The following CAPZB variants were observed in gnomAD, a reference collection of about 807,000 sequenced individuals.
The protein encoded by CAPZB is F-actin-capping protein subunit beta.
In CAPZB, 2 loss-of-function variants were observed where a neutral mutation model predicts 38.1. The ratio of observed to expected loss-of-function variants is 0.05; its 90% CI spans 0.02 to 0.17. The LOEUF (loss-of-function observed/expected upper bound fraction) is 0.17. Among genes scored for constraint, CAPZB ranks in the 10% least tolerant of loss-of-function variants. The pLI is 1.00. For missense variants in CAPZB, 161 were observed against 334.2 expected (o/e 0.48, Z 4.04); for synonymous variants, 107 against 127.4 (o/e 0.84, Z 1.08).
intron 8 of CAPZB, among the ~76,000 whole-genome samples, chr1:19,343,480 G>A (rs1388150191): frequency 6.6e-6 from 1 of 152,226 alleles, no homozygotes; most frequent in Non-Finnish European, 1.5e-5. Context: ...CGGTGCTGCT[G>A]GACTGCAGAG....
chr1:19,388,066 T>C (rs1257811923), intron 2 of CAPZB, among the ~76,000 whole-genome samples: 2 of 152,194 alleles, frequency 1.3e-5, no homozygotes, highest in Non-Finnish European at 2.9e-5. Context: ...AGCCAGCTGT[T>C]TCCCTTCTCC....
At chr1:19,378,264 G>C (rs933140385) in intron 4 of CAPZB, among the ~76,000 whole-genome samples, 1 of 152,330 alleles carries the variant, frequency 6.6e-6, no homozygotes, top group Non-Finnish European at 1.5e-5. Flanking sequence ...TCACGATGCA[G>C]GGGAACAGCA....
chr1:19,362,823 G>A lies in CAPZB; in HGVS notation c.330-5260C>T, dbSNP rs79697399. 1.2e-3 allele frequency among the ~76,000 whole-genome samples: 187 copies of A among 152,230 alleles called. 1 individual carries two copies. The highest frequency in any genetic ancestry group is 4.4e-3 in the African/African-American group (182 of 41,548). ...TCAAATCAGAGCTCCCCAGTGGCCAGGACAACACAGGGACTAGCTTGCAAA... is the reference window on the plus strand; with the variant it reads ...TCAAATCAGAGCTCCCCAGTGGCCAAGACAACACAGGGACTAGCTTGCAAA... On this transcript the variant is annotated intron_variant, in intron 4 of 8. Coordinates refer to ENST00000264202, the MANE Select transcript of CAPZB (RefSeq NM_004930.5).
intron 4 of CAPZB, among the ~76,000 whole-genome samples, chr1:19,360,139 T>C (rs2094045062): frequency 6.6e-6 from 1 of 152,212 alleles, no homozygotes; most frequent in South Asian, 2.1e-4. Context: ...TCCGTGAGCC[T>C]TTCTGGCTTG....
intron 2 of CAPZB, among the ~76,000 whole-genome samples, chr1:19,395,125 T>C (rs1384978270): frequency 1.3e-5 from 2 of 152,146 alleles, no homozygotes; most frequent in Non-Finnish European, 2.9e-5. Context: ...CTACTTCCAG[T>C]GGATTTTTCG....
At chr1:19,363,504 T>C (rs2094065714) in intron 4 of CAPZB, among the ~76,000 whole-genome samples, 1 of 152,148 alleles carries the variant, frequency 6.6e-6, no homozygotes. Flanking sequence ...GTCACGGATA[T>C]AGATTCTATG....
intron 6 of CAPZB, among the ~76,000 whole-genome samples, chr1:19,348,116 C>T (rs961127554): frequency 2.6e-5 from 4 of 152,118 alleles, no homozygotes; most frequent in African/African-American, 9.7e-5. Context: ...TTCCTTGTGC[C>T]CAGATAAGGG....
At chr1:19,477,429 A>C (rs2094610670) in intron 1 of CAPZB, among the ~76,000 whole-genome samples, 1 of 152,248 alleles carries the variant, frequency 6.6e-6, no homozygotes, top group Non-Finnish European at 1.5e-5. Flanking sequence ...ACTAACAGCC[A>C]AGCCTGGCCG....
At chr1:19,450,229 C>T (rs998030355) in intron 1 of CAPZB, among the ~76,000 whole-genome samples, 4 of 148,974 alleles carry the variant, frequency 2.7e-5, no homozygotes, top group Non-Finnish European at 5.9e-5. Flanking sequence ...AGTGATAATG[C>T]AGGCTGAGTA....
intron 6 of CAPZB, among the ~76,000 whole-genome samples, chr1:19,351,249 G>C (rs548668465): frequency 1.3e-5 from 2 of 151,274 alleles, no homozygotes; most frequent in East Asian, 3.9e-4. Flanking sequence ...CCAAAGTGCT[G>C]GGATTACAGG....
At chr1:19,343,937 C>A (rs2093946829) in intron 8 of CAPZB, among the ~76,000 whole-genome samples, 1 of 152,200 alleles carries the variant, frequency 6.6e-6, no homozygotes, top group African/African-American at 2.4e-5. Flanking sequence ...GACTGAGGGC[C>A]CTGCCTGCAC....
intron 2 of CAPZB, among the ~76,000 whole-genome samples, chr1:19,401,404 CA>C (rs1279743053): frequency 1.3e-5 from 2 of 152,144 alleles, no homozygotes; most frequent in Non-Finnish European, 2.9e-5. Flanking sequence ...TCAGCATCGG[CA>C]AATCTCCCCT....
At position 19,467,886 on chromosome 1, in the gene CAPZB, A is replaced by G. The variant is rs376616428; in HGVS notation, c.3+17550T>C. On this transcript the variant is annotated intron_variant, in intron 1 of 8. Transcript: ENST00000264202. ...ATGCTGGGAACTAGAGCTTGAAAAC[A>G]CTGCAGGGCCGCAGAGCTCTCAAGA... Among the ~76,000 whole-genome samples, 8 of 152,192 alleles carry G rather than the reference A, an allele frequency of 5.3e-5. No homozygotes were observed. The East Asian group carries it at 9.6e-4, about 18-fold the overall frequency.
intron 2 of CAPZB, among the ~76,000 whole-genome samples, chr1:19,403,359 G>A (rs2094313556): frequency 6.6e-6 from 1 of 152,234 alleles, no homozygotes; most frequent in Admixed American, 6.5e-5. Context: ...TGGGGGGCAG[G>A]GTGAGGGAAG....
At chr1:19,422,119 T>A (rs2094403523) in intron 1 of CAPZB, among the ~76,000 whole-genome samples, 1 of 152,088 alleles carries the variant, frequency 6.6e-6, no homozygotes, top group Non-Finnish European at 1.5e-5. Flanking sequence ...AACTAGTATT[T>A]CTCAACTAGG....
intron 6 of CAPZB, among the ~76,000 whole-genome samples, chr1:19,352,089 C>T (rs1263930030): frequency 2.6e-5 from 4 of 152,228 alleles, no homozygotes; most frequent in Non-Finnish European, 5.9e-5. Flanking sequence ...AGCGAGCGTG[C>T]ACTCCTGGAA....
chr1:19,457,921 C>T lies in CAPZB; in HGVS notation c.3+27515G>A, dbSNP rs561803699. 4.9e-4 allele frequency among the ~76,000 whole-genome samples: 74 copies of T among 152,264 alleles called. 2 individuals carry two copies. In the South Asian group the frequency reaches 0.014, roughly 29 times the overall value. ...CAACATCAGGGAAGTTACCCCCCTG[C>T]CATCTGATGTTTAAGGAGTAAACAG... On this transcript the variant is annotated intron_variant, in intron 1 of 8. Coordinates refer to ENST00000264202, the MANE Select transcript of CAPZB (RefSeq NM_004930.5).
At chr1:19,388,928 CAGTGAAA>C (rs1253005887) in intron 2 of CAPZB, among the ~76,000 whole-genome samples, 1 of 152,200 alleles carries the variant, frequency 6.6e-6, no homozygotes, top group Admixed American at 6.5e-5. Flanking sequence ...GCTTGTCCTA[CAGTGAAA>C]AGCCTCTGGG....
At chr1:19,371,341 A>AT (rs1414734565) in intron 4 of CAPZB, among the ~76,000 whole-genome samples, 2 of 152,214 alleles carry the variant, frequency 1.3e-5, no homozygotes, top group Non-Finnish European at 2.9e-5. Flanking sequence ...AGAATGTAAG[A>AT]TGCACGTACA....
Sources: allele counts gnomAD v4.1 joint callset (sites outside exome capture counted in the v4.1 genomes callset), GRCh38; gene constraint gnomAD v4.1.1; transcripts MANE v1.5; gene names NCBI Gene and HGNC (gene_info 2026-07-23, HGNC 2026-07-21).